The following SPON1 variants were observed in gnomAD, a reference collection of about 807,000 sequenced individuals.
SPON1 encodes the protein spondin-1.
Under a neutral mutation model 111.7 loss-of-function variants are expected in SPON1, and 52 were observed. That is an observed-to-expected ratio of 0.47 (90% CI 0.37 to 0.59). The LOEUF (loss-of-function observed/expected upper bound fraction) is 0.59, where lower values mean the gene tolerates loss of function less well. Ranked by LOEUF, SPON1 falls within the 20% of genes least tolerant of loss-of-function variation. The probability of loss-of-function intolerance (pLI) is 0.00; values close to 1 mark genes in which losing one functional copy is unlikely to be tolerated. For synonymous variants in SPON1, 410 were observed against 395.8 expected, an observed-to-expected ratio of 1.04 and a Z score of -0.43; for missense variants, 957 against 1,068.5, an observed-to-expected ratio of 0.90 and a Z score of 1.46.
At chr11:14,030,151 G>C (rs1404520830) in intron 2 of SPON1, among the ~76,000 whole-genome samples, 1 of 152,208 alleles carries the variant, frequency 6.6e-6, no homozygotes, top group African/African-American at 2.4e-5. Flanking sequence ...GTGCTGAGCT[G>C]GCAGTCTGCC....
At chr11:14,039,844 T>TC (rs1564891436) in intron 2 of SPON1, among the ~76,000 whole-genome samples, 1 of 151,770 alleles carries the variant, frequency 6.6e-6, no homozygotes, top group South Asian at 2.1e-4. Flanking sequence ...GTCTAGAAAA[T>TC]CCCCCAAAAC....
intron 2 of SPON1, among the ~76,000 whole-genome samples, chr11:14,019,711 A>G (rs1251246592): frequency 6.6e-6 from 1 of 152,178 alleles, no homozygotes; most frequent in Non-Finnish European, 1.5e-5. Context: ...CAGTGACATC[A>G]GGTCCCTGGA....
At chr11:14,043,659 G>A (rs1187781516) in intron 3 of SPON1, among the ~76,000 whole-genome samples, 2 of 152,200 alleles carry the variant, frequency 1.3e-5, no homozygotes, top group East Asian at 3.9e-4. Context: ...TCAGATCTAT[G>A]TGAGGAGCCT....
intron 5 of SPON1, among the ~76,000 whole-genome samples, chr11:14,098,271 C>T (rs1377397487): frequency 4.6e-5 from 7 of 152,234 alleles, no homozygotes; most frequent in Non-Finnish European, 8.8e-5. Flanking sequence ...GCTGGGATTA[C>T]AGGCGTGAGC....
chr11:13,982,961 C>G lies in SPON1; in HGVS notation c.345+8C>G. On this transcript the variant is annotated splice_region_variant and intron_variant, in intron 2 of 15. Coordinates refer to ENST00000576479, the MANE Select transcript of SPON1 (RefSeq NM_006108.4). ...CATGCTGGGACCTTCCAGGTAAGAC[C>G]CTGCCTGGGCTTATTCAGTGGCCCT... The G allele has an allele frequency of 6.5e-7, 1 of 1,529,572 alleles. No individual in the cohort carries two copies. Among genetic ancestry groups the G allele is most frequent in the Non-Finnish European group, 8.9e-7 (1 of 1,126,438 alleles). The allele number at this position is 1,529,572 out of a possible 1,614,324, so 94.8% of individuals were successfully genotyped here. A position where few individuals can be genotyped will look rare whatever the true frequency, so the allele number is the denominator to read the frequency against.
chr11:14,219,629 A>G (rs1337538573), intron 6 of SPON1, among the ~76,000 whole-genome samples: 1 of 152,158 alleles, frequency 6.6e-6, no homozygotes, highest in Non-Finnish European at 1.5e-5. Context: ...AGATCTAACT[A>G]GGAGAGGGTG....
intron 2 of SPON1, among the ~76,000 whole-genome samples, chr11:14,022,267 G>T (rs1357149066): frequency 6.6e-6 from 1 of 152,200 alleles, no homozygotes; most frequent in Non-Finnish European, 1.5e-5. Context: ...GTCCTCAGGG[G>T]ATTCAGTTTA....
intron 10 of SPON1, 142 bp from the exon 11 acceptor site, chr11:14,257,574 C>A: frequency 1.6e-6 from 1 of 612,718 alleles, no homozygotes; most frequent in Non-Finnish European, 2.7e-6. Flanking sequence ...TGGATGGCTG[C>A]TTCCATCCCA....
intron 2 of SPON1, among the ~76,000 whole-genome samples, chr11:14,006,194 C>T (rs1480857675): frequency 6.6e-6 from 1 of 152,122 alleles, no homozygotes; most frequent in Non-Finnish European, 1.5e-5. Flanking sequence ...AAGGTTAGGG[C>T]TTGAGATGAA....
intron 5 of SPON1, among the ~76,000 whole-genome samples, chr11:14,084,976 A>G (rs1244085789): frequency 6.6e-6 from 1 of 151,608 alleles, no homozygotes; most frequent in African/African-American, 2.4e-5. Flanking sequence ...CATATCCTTC[A>G]CCCACTTTTT....
At chr11:14,252,346 C>T (rs7126233) in intron 7 of SPON1, among the ~76,000 whole-genome samples, 23 of 109,724 alleles carry the variant, frequency 2.1e-4, no homozygotes, top group African/African-American at 6.3e-4. Context: ...CGCTATGTAT[C>T]TGCCTCAGCC....
chr11:14,044,036 G>C (rs1848650644), intron 3 of SPON1, among the ~76,000 whole-genome samples: 1 of 151,994 alleles, frequency 6.6e-6, no homozygotes, highest in African/African-American at 2.4e-5. Flanking sequence ...TGTCTAATTT[G>C]ATCTTCACAG....
rs2133769173 is a variant in SPON1 at position 13,962,830 on chromosome 11, T to G, written c.-75T>G. 7.5e-7 allele frequency: 1 copy of G among 1,331,674 alleles called. No homozygotes were observed. Among genetic ancestry groups the G allele is most frequent in the Non-Finnish European group, 9.7e-7 (1 of 1,027,022 alleles). 82.5% of individuals were successfully genotyped at this position (1,331,674 alleles called of 1,614,324 possible). On this transcript the variant is annotated 5_prime_UTR_variant, in exon 1 of 16. Coordinates refer to ENST00000576479, the MANE Select transcript of SPON1 (RefSeq NM_006108.4). ...CGCCGCGCCTCCGCCAGGTCGCGCCTTCGTCGGGACCACTTCGGGCAGGAG... is the reference window on the plus strand; with the variant it reads ...CGCCGCGCCTCCGCCAGGTCGCGCCGTCGTCGGGACCACTTCGGGCAGGAG...
chr11:14,153,904 C>T (rs141980416), intron 6 of SPON1, among the ~76,000 whole-genome samples: 52 of 152,276 alleles, frequency 3.4e-4, no homozygotes, highest in African/African-American at 9.9e-4. Flanking sequence ...GGGTTACAGG[C>T]GCTATGCAAG....
At chr11:14,213,226 T>C (rs1848593928) in intron 6 of SPON1, among the ~76,000 whole-genome samples, 1 of 152,182 alleles carries the variant, frequency 6.6e-6, no homozygotes, top group South Asian at 2.1e-4. Flanking sequence ...TAAATGAAAC[T>C]CTGTGTCCAA....
chr11:14,034,380 C>T (rs1032755246), intron 2 of SPON1, among the ~76,000 whole-genome samples: 4 of 151,974 alleles, frequency 2.6e-5, no homozygotes, highest in Non-Finnish European at 4.4e-5. Flanking sequence ...CTGAGACCCA[C>T]TCTAGATGAC....
chr11:14,241,621 A>G (rs1848927639), intron 6 of SPON1, among the ~76,000 whole-genome samples: 1 of 152,040 alleles, frequency 6.6e-6, no homozygotes, highest in Non-Finnish European at 1.5e-5. Context: ...CTGAGGTCAG[A>G]GGAAGGGCTC....
At chr11:14,047,193 A>G (rs1554917918) in intron 3 of SPON1, among the ~76,000 whole-genome samples, 2 of 152,148 alleles carry the variant, frequency 1.3e-5, no homozygotes, top group Admixed American at 1.3e-4. Flanking sequence ...TTTATTATCT[A>G]GCACCTCTAG....
intron 6 of SPON1, among the ~76,000 whole-genome samples, chr11:14,185,316 C>A (rs1848274987): frequency 6.6e-6 from 1 of 152,110 alleles, no homozygotes; most frequent in African/African-American, 2.4e-5. Context: ...CATAGCATAT[C>A]CCCCATCCTT....
Sources: allele counts gnomAD v4.1 joint callset (sites outside exome capture counted in the v4.1 genomes callset), GRCh38; gene constraint gnomAD v4.1.1; transcripts MANE v1.5; gene names NCBI Gene and HGNC (gene_info 2026-07-23, HGNC 2026-07-21).